DCUN1D3: variants seen among roughly 807,000 people sequenced by gnomAD.
DCUN1D3 encodes DCN1-like protein 3.
Under a neutral mutation model 24.8 loss-of-function variants are expected in DCUN1D3, and 6 were observed. The observed-to-expected ratio is 0.24, with a 90% CI of 0.13 to 0.48. DCUN1D3 has a LOEUF of 0.48. Ranked by LOEUF, DCUN1D3 falls within the 20% of genes least tolerant of loss-of-function variation. The pLI is 0.99. For synonymous variants in DCUN1D3, 120 were observed against 144.9 expected (o/e 0.83, Z 1.24); for missense variants, 258 against 379.4 (o/e 0.68, Z 2.66).
intron 1 of DCUN1D3, among the ~76,000 whole-genome samples, chr16:20,879,580 A>G (rs1229393855): frequency 6.6e-6 from 1 of 152,238 alleles, no homozygotes; most frequent in African/African-American, 2.4e-5. Context: ...CTTGATTAGC[A>G]TACCTTTGTG....
chr16:20,878,536 C>G (rs1459238806), intron 1 of DCUN1D3, among the ~76,000 whole-genome samples: 1 of 152,232 alleles, frequency 6.6e-6, no homozygotes, highest in Non-Finnish European at 1.5e-5. Context: ...CAGTGAAAAG[C>G]CTCAGGCTGC....
At chr16:20,864,907 C>CA (rs1176396660) in intron 1 of DCUN1D3, among the ~76,000 whole-genome samples, 1 of 152,090 alleles carries the variant, frequency 6.6e-6, no homozygotes, top group East Asian at 1.9e-4. Flanking sequence ...ACCAAATACT[C>CA]ACTTATAAAG....
rs941763216 is a variant in DCUN1D3, at chr16:20,862,188, G to A, written c.351C>T (p.Asp117=). The change falls in exon 2 of 3, where the codon GAC becomes GAT. Residue 117 remains aspartate, a synonymous_variant. Transcript: ENST00000324344. ...GAAATTCTGTGGGGTCAACACACAG[G>A]TCATTGCAAAAGCGCTCCATGCCTT... ...LEEGMERFCN[D]LCVDPTEFRV... is the part of the protein sequence containing the mutation. The A allele has an allele frequency of 5.6e-6, 9 of 1,614,090 alleles. No homozygotes were observed. Among genetic ancestry groups the A allele is most frequent in the Non-Finnish European group, 7.6e-6 (9 of 1,180,042 alleles).
chr16:20,890,656 G>A (rs1404746846), intron 1 of DCUN1D3, among the ~76,000 whole-genome samples: 1 of 152,022 alleles, frequency 6.6e-6, no homozygotes, highest in Non-Finnish European at 1.5e-5. Flanking sequence ...ATAAACAGGT[G>A]GGGTCTGTGC....
intron 1 of DCUN1D3, among the ~76,000 whole-genome samples, chr16:20,885,908 G>A (rs1214462506): frequency 6.6e-6 from 1 of 152,072 alleles, no homozygotes; most frequent in Non-Finnish European, 1.5e-5. Context: ...GAAGCAATTA[G>A]GCTTTTTCTC....
At position 20,862,506 on chromosome 16, in the gene DCUN1D3, G is replaced by A. The variant is rs1315934475; in HGVS notation, c.33C>T (p.Pro11=). 5 of 1,607,626 alleles carry A rather than the reference G, an allele frequency of 3.1e-6. No homozygotes were observed. Among genetic ancestry groups the A allele is most frequent in the Non-Finnish European group, 4.2e-6 (5 of 1,179,906 alleles). Residue 11 remains proline (P), a synonymous_variant, in exon 2 of 3, where the codon CCC becomes CCT. Coordinates refer to ENST00000324344, the MANE Select transcript of DCUN1D3 (RefSeq NM_173475.4). MGQCVTKCKN[P]SSTLGSKNGD... ...CATTTTTGCTGCCCAGGGTCGATGAGGGATTCTTACACTTGGTGACACACT... is the reference window on the plus strand; with the variant it reads ...CATTTTTGCTGCCCAGGGTCGATGAAGGATTCTTACACTTGGTGACACACT...
At position 20,862,607 on chromosome 16, in the gene DCUN1D3, T is replaced by C. The variant is rs2081739505; in HGVS notation, c.-69A>G. ...ATGCCCTCGCTGCCGCTGGCCCATG[T>C]ACCTCAACATGCCATCAGCCAGAGG... On this transcript the variant is annotated 5_prime_UTR_variant, in exon 2 of 3. Transcript: ENST00000324344. The C allele has an allele frequency of 3.3e-6, 5 of 1,532,034 alleles. No individual in the cohort carries two copies. The highest frequency in any genetic ancestry group is 4.3e-6 in the Non-Finnish European group (5 of 1,149,438). The allele number at this position is 1,532,034 out of a possible 1,614,324, so 94.9% of individuals were successfully genotyped here. A position where few individuals can be genotyped will look rare whatever the true frequency, so the allele number is the denominator to read the frequency against.
intron 1 of DCUN1D3, among the ~76,000 whole-genome samples, chr16:20,872,420 G>A (rs2081793038): frequency 6.6e-6 from 1 of 151,592 alleles, no homozygotes; most frequent in Non-Finnish European, 1.5e-5. Context: ...CTCTAAGTAG[G>A]CCTCAGGTTC....
chr16:20,899,069 C>T (rs769673443), intron 1 of DCUN1D3, among the ~76,000 whole-genome samples: 3 of 152,232 alleles, frequency 2.0e-5, no homozygotes, highest in Admixed American at 6.5e-5. Context: ...AGATGAAAAT[C>T]AGCACAAGCT....
chr16:20,868,276 T>C (rs1360424416), intron 1 of DCUN1D3, among the ~76,000 whole-genome samples: 3 of 152,208 alleles, frequency 2.0e-5, no homozygotes, highest in Non-Finnish European at 4.4e-5. Context: ...TATTTGTTAA[T>C]ACATTAAGAA....
intron 1 of DCUN1D3, among the ~76,000 whole-genome samples, chr16:20,897,387 C>T (rs2081920775): frequency 6.6e-6 from 1 of 152,142 alleles, no homozygotes; most frequent in Non-Finnish European, 1.5e-5. Context: ...CGTGCCAGCC[C>T]AAAGATGCCG....
At chr16:20,875,642 G>A (rs949942606) in intron 1 of DCUN1D3, among the ~76,000 whole-genome samples, 1 of 152,172 alleles carries the variant, frequency 6.6e-6, no homozygotes, top group South Asian at 2.1e-4. Flanking sequence ...GTGGATTGAA[G>A]ATTTAAATAT....
chr16:20,872,034 C>G lies in DCUN1D3; in HGVS notation c.-105-9391G>C, dbSNP rs74014623. Among the ~76,000 whole-genome samples, 243 of 152,298 alleles carry G rather than the reference C, an allele frequency of 1.6e-3. 1 individual carries two copies. The highest frequency in any genetic ancestry group is 5.4e-3 in the African/African-American group (223 of 41,570). ...GCTTGTTTTATTCCTTAGGATGGAGCCTCAGTAGAGCCCACTGAAAGTAAA... is the reference window on the plus strand; with the variant it reads ...GCTTGTTTTATTCCTTAGGATGGAGGCTCAGTAGAGCCCACTGAAAGTAAA... On this transcript the variant is annotated intron_variant, in intron 1 of 2. Transcript: ENST00000324344.
At chr16:20,872,224 A>C (rs2152517038) in intron 1 of DCUN1D3, among the ~76,000 whole-genome samples, 1 of 152,354 alleles carries the variant, frequency 6.6e-6, no homozygotes, top group East Asian at 1.9e-4. Flanking sequence ...AACTCACTGA[A>C]AATTAGTGAA....
intron 1 of DCUN1D3, among the ~76,000 whole-genome samples, chr16:20,884,471 C>A (rs1163908794): frequency 6.6e-6 from 1 of 152,144 alleles, no homozygotes; most frequent in African/African-American, 2.4e-5. Flanking sequence ...AACTTCCATA[C>A]CACAGGAAAT....
chr16:20,866,090 A>G (rs1393092430), intron 1 of DCUN1D3, among the ~76,000 whole-genome samples: 1 of 152,218 alleles, frequency 6.6e-6, no homozygotes, highest in East Asian at 1.9e-4. Flanking sequence ...TTAAGACTAC[A>G]GCTAGTAAGC....
At chr16:20,888,590 G>GACC (rs1252901629) in intron 1 of DCUN1D3, among the ~76,000 whole-genome samples, 1 of 152,164 alleles carries the variant, frequency 6.6e-6, no homozygotes, top group African/African-American at 2.4e-5. Flanking sequence ...AAGTAGCTGG[G>GACC]ACCACAGGCG....
At chr16:20,893,391 T>G (rs1228501877) in intron 1 of DCUN1D3, among the ~76,000 whole-genome samples, 1 of 152,148 alleles carries the variant, frequency 6.6e-6, no homozygotes, top group Non-Finnish European at 1.5e-5. Flanking sequence ...CAGACTGGTC[T>G]CAAACTCCTG....
rs1366655173 is a variant in DCUN1D3, at chr16:20,858,261, C to T, written c.*1625G>A. On this transcript the variant is annotated 3_prime_UTR_variant, in exon 3 of 3. Coordinates refer to ENST00000324344, the MANE Select transcript of DCUN1D3 (RefSeq NM_173475.4). ...GTAGGCCCAGAGTGAGCTCCTCAGGCCCCTGTGGCAGCCTGGCCAAAGCTG... is the reference window on the plus strand; with the variant it reads ...GTAGGCCCAGAGTGAGCTCCTCAGGTCCCTGTGGCAGCCTGGCCAAAGCTG... The T allele has an allele frequency of 1.3e-5, 2 of 152,586 alleles. No individual in the cohort carries two copies. The highest frequency in any genetic ancestry group is 2.4e-5 in the African/African-American group (1 of 41,434). 9.5% of individuals were successfully genotyped at this position (152,586 alleles called of 1,614,324 possible). A position where few individuals can be genotyped will look rare whatever the true frequency, so the allele number is the denominator to read the frequency against.
Sources: allele counts gnomAD v4.1 joint callset (sites outside exome capture counted in the v4.1 genomes callset), GRCh38; gene constraint gnomAD v4.1.1; transcripts MANE v1.5; gene names NCBI Gene and HGNC (gene_info 2026-07-23, HGNC 2026-07-21).